Variants in ADAM7 observed in about 807,000 individuals in gnomAD.
The protein encoded by ADAM7 is ADAM metallopeptidase domain 7, also known as disintegrin and metalloproteinase domain-containing protein 7.
Under a neutral mutation model 102.9 loss-of-function variants are expected in ADAM7, and 97 were observed. The observed-to-expected ratio is 0.94, with a 90% CI of 0.80 to 1.12. ADAM7 has a LOEUF of 1.12. ADAM7 is among the 50% of genes most tolerant of loss of function. The probability of loss-of-function intolerance (pLI) is 0.00; values close to 1 mark genes in which losing one functional copy is unlikely to be tolerated. For synonymous variants in ADAM7, 334 were observed against 304.4 expected (o/e 1.10, Z -1.01); for missense variants, 991 against 908.7 (o/e 1.09, Z -1.16).
intron 2 of ADAM7, among the ~76,000 whole-genome samples, chr8:24,443,433 G>C (rs1177368211): frequency 1.3e-5 from 2 of 152,098 alleles, no homozygotes; most frequent in Admixed American, 1.3e-4. Flanking sequence ...GCAACTCTCC[G>C]TCTCCTCCCG....
chr8:24,479,746 CA>C (rs1271654440), intron 8 of ADAM7, among the ~76,000 whole-genome samples: 1 of 152,160 alleles, frequency 6.6e-6, no homozygotes, highest in Non-Finnish European at 1.5e-5. Flanking sequence ...TCTTTCTACC[CA>C]TTAAAAAGGT....
chr8:24,490,767 A>G (rs370702997), intron 12 of ADAM7, 32 bp from the exon 13 acceptor site: 4 of 1,603,722 alleles, frequency 2.5e-6, no homozygotes, highest in Non-Finnish European at 3.4e-6. Context: ...GTACATACCA[A>G]TTTCTCATCT....
rs1403649438 is a variant in ADAM7, at chr8:24,509,111, A to G, written c.*565A>G. On this transcript the variant is annotated 3_prime_UTR_variant, in exon 22 of 22. Transcript: ENST00000175238. ...ACAGAACTGCAGGATAGTCCTTAAAATAATGGTGGTGGGAAAGGAAAACAC... is the reference window on the plus strand; with the variant it reads ...ACAGAACTGCAGGATAGTCCTTAAAGTAATGGTGGTGGGAAAGGAAAACAC... 1.0e-6 allele frequency: 1 copy of G among 985,414 alleles called. No homozygotes were observed. The highest frequency in any genetic ancestry group is 1.7e-5 in the African/African-American group (1 of 57,250). 61.0% of individuals were successfully genotyped at this position (985,414 alleles called of 1,614,324 possible).
At chr8:24,472,774 C>A (rs1312549446) in intron 7 of ADAM7, among the ~76,000 whole-genome samples, 2 of 151,696 alleles carry the variant, frequency 1.3e-5, no homozygotes, top group Non-Finnish European at 2.9e-5. Flanking sequence ...ATAAAACCAC[C>A]AAGCAAAACA....
chr8:24,468,501 T>TA lies in ADAM7; in HGVS notation c.580-260dup, dbSNP rs567445623. On this transcript the variant is annotated intron_variant, in intron 6 of 21. Transcript: ENST00000175238. ...TATCCTGCACATGTACCTCGGAAAT[T>TA]AAAAAATAAAATTAAATTTAAAAAA... 5.3e-4 allele frequency among the ~76,000 whole-genome samples: 80 copies of TA among 149,924 alleles called. 1 individual carries two copies. In the South Asian group the frequency reaches 0.016, roughly 31 times the overall value.
chr8:24,477,495 G>A (rs1178952761), intron 8 of ADAM7, among the ~76,000 whole-genome samples: 2 of 151,250 alleles, frequency 1.3e-5, no homozygotes, highest in Non-Finnish European at 2.9e-5. Flanking sequence ...TTATTTTGTT[G>A]CTCAAACTGT....
At chr8:24,474,117 G>A (rs1819692705) in intron 7 of ADAM7, among the ~76,000 whole-genome samples, 1 of 151,976 alleles carries the variant, frequency 6.6e-6, no homozygotes, top group African/African-American at 2.4e-5. Flanking sequence ...GAAATTCCCA[G>A]CCAATGTAAT....
Position 24,468,816 on chromosome 8 carries a change from C to A in ADAM7, c.629C>A (p.Thr210Asn). Reference sequence around the variant, plus strand: ...GAATTGTTCATTGTTGCTGATGATACTGTGGTAAGTTTTCAATAGAACATT... The same window carrying A: ...GAATTGTTCATTGTTGCTGATGATAATGTGGTAAGTTTTCAATAGAACATT... ...YVELFIVADD[T>N]VYRRNGHPHN... is the part of the protein sequence containing the mutation. Residue 210 changes from threonine to asparagine, a missense_variant, in exon 7 of 22, where the codon ACT (threonine) becomes AAT (asparagine). By Grantham distance (65) the Thr-to-Asn change is moderately conservative (BLOSUM62 0). Coordinates refer to ENST00000175238, the MANE Select transcript of ADAM7 (RefSeq NM_003817.4). 1.2e-6 allele frequency: 2 copies of A among 1,612,332 alleles called. No homozygotes were observed. The highest frequency in any genetic ancestry group is 2.2e-5 in the South Asian group (2 of 90,892).
intron 3 of ADAM7, among the ~76,000 whole-genome samples, chr8:24,450,450 T>C (rs2129374900): frequency 6.6e-6 from 1 of 152,024 alleles, no homozygotes; most frequent in African/African-American, 2.4e-5. Context: ...GGCTCTCTGT[T>C]TGTCTGTTAT....
chr8:24,507,665 AG>A, intron 21 of ADAM7, 130 bp downstream of exon 21: 1 of 699,470 alleles, frequency 1.4e-6, no homozygotes, highest in Non-Finnish European at 2.3e-6. Context: ...TAGGAAGGTT[AG>A]AATTTTTTTT....
At chr8:24,450,582 C>T (rs1397353932) in intron 3 of ADAM7, among the ~76,000 whole-genome samples, 4 of 152,124 alleles carry the variant, frequency 2.6e-5, no homozygotes, top group Non-Finnish European at 4.4e-5. Flanking sequence ...GATATACAAT[C>T]GTGTAGTCTG....
At chr8:24,492,125 C>T in intron 14 of ADAM7, 27 bp downstream of exon 14, 2 of 1,595,208 alleles carry the variant, frequency 1.3e-6, no homozygotes, top group Non-Finnish European at 1.7e-6. Flanking sequence ...GTGAAGTATT[C>T]ACACAGATGG....
chr8:24,466,881 T>C lies in ADAM7; in HGVS notation c.472T>C (p.Tyr158His). ...TGAGGGAGAACATTTGGTGTTCAAATATAACCTGAGGGTGCCGTATGGTGC... is the reference window on the plus strand; with the variant it reads ...TGAGGGAGAACATTTGGTGTTCAAACATAACCTGAGGGTGCCGTATGGTGC... The part of the protein sequence containing the change: ...SDEGEHLVFK[Y>H]NLRVPYGANY... Residue 158 changes from tyrosine to histidine, a missense_variant, in exon 6 of 22, where the codon TAT (tyrosine) becomes CAT (histidine). By Grantham distance (83) the Tyr-to-His change is moderately conservative. Transcript: ENST00000175238. 3 of 1,614,070 alleles carry C rather than the reference T, an allele frequency of 1.9e-6. No homozygotes were observed. The highest frequency in any genetic ancestry group is 2.5e-6 in the Non-Finnish European group (3 of 1,179,944).
rs79670851 is a variant in ADAM7 at position 24,458,633 on chromosome 8, T to A, written c.234-5249T>A. The stretch of plus-strand genomic sequence containing the variant: ...GTTTTGTCTTCCTCTCTGATTATTC[T>A]TTCTTTTATTTTTATACTTTATTTT... On this transcript the variant is annotated intron_variant, in intron 3 of 21. Coordinates refer to ENST00000175238, the MANE Select transcript of ADAM7 (RefSeq NM_003817.4). 3.9e-3 allele frequency among the ~76,000 whole-genome samples: 594 copies of A among 152,262 alleles called. 9 individuals carry two copies. In the East Asian group the frequency reaches 0.071, roughly 18 times the overall value.
intron 20 of ADAM7, among the ~76,000 whole-genome samples, chr8:24,507,169 C>G (rs146528071): frequency 3.6e-3 from 543 of 152,170 alleles, no homozygotes; most frequent in African/African-American, 0.013. Flanking sequence ...AGTGCTAATA[C>G]TTTAAAAGTG....
intron 7 of ADAM7, among the ~76,000 whole-genome samples, chr8:24,471,647 G>T (rs1389004975): frequency 2.0e-5 from 3 of 152,028 alleles, no homozygotes; most frequent in Non-Finnish European, 4.4e-5. Context: ...TAACATTTAG[G>T]TTTGTGTACG....
rs144352481 is a variant in ADAM7, at chr8:24,443,939, AAAAATAAAAT to A, written c.156+1393_156+1402del. Among the ~76,000 whole-genome samples, 283 of 145,656 alleles carry A rather than the reference AAAAATAAAAT, an allele frequency of 1.9e-3. 2 individuals are homozygous for A. The highest frequency in any genetic ancestry group is 3.0e-3 in the Non-Finnish European group (201 of 66,444). On this transcript the variant is annotated intron_variant, in intron 2 of 21. Coordinates refer to ENST00000175238, the MANE Select transcript of ADAM7 (RefSeq NM_003817.4). ...ACAGAGCAAGACTCTCTCAAAAAAT[AAAAATAAAAT>A]AAAATAAAATAAAATAAAATAAAAT...
At chr8:24,503,320 C>T (rs1349945740) in intron 20 of ADAM7, among the ~76,000 whole-genome samples, 2 of 152,102 alleles carry the variant, frequency 1.3e-5, no homozygotes, top group South Asian at 4.1e-4. Context: ...ATTTCCAATA[C>T]ATTCAGCTCA....
At chr8:24,490,128 G>A (rs1485023754) in intron 12 of ADAM7, among the ~76,000 whole-genome samples, 1 of 152,148 alleles carries the variant, frequency 6.6e-6, no homozygotes, top group Non-Finnish European at 1.5e-5. Context: ...TAGTAGGACA[G>A]CAGTTAGAGA....
Sources: gnomAD v4.1 joint callset for allele counts (sites outside exome capture counted in the v4.1 genomes callset) on GRCh38, gnomAD v4.1.1 for gene constraint, MANE v1.5 for transcripts, NCBI Gene and HGNC (gene_info 2026-07-23, HGNC 2026-07-21) for gene names.